The following SPTBN1 variants were observed in gnomAD, a reference collection of about 807,000 sequenced individuals.
The protein encoded by SPTBN1 is spectrin beta chain, non-erythrocytic 1.
Under a neutral mutation model 266.4 loss-of-function variants are expected in SPTBN1, and 32 were observed. The ratio of observed to expected loss-of-function variants is 0.12; its 90% CI spans 0.09 to 0.16. SPTBN1 has a LOEUF of 0.16. SPTBN1 is among the 10% of genes least tolerant of loss of function. The probability of loss-of-function intolerance (pLI) is 1.00; values close to 1 mark genes in which losing one functional copy is unlikely to be tolerated. For missense variants in SPTBN1, 2,296 were observed against 3,067.1 expected (o/e 0.75, Z 5.94); for synonymous variants, 1,336 against 1,162.2 (o/e 1.15, Z -3.04).
intron 2 of SPTBN1, among the ~76,000 whole-genome samples, chr2:54,567,591 C>T (rs530601867): frequency 4.6e-5 from 7 of 152,068 alleles, no homozygotes; most frequent in Non-Finnish European, 7.4e-5. Context: ...TATATATTCA[C>T]GGATTGCAAG....
At chr2:54,604,274 A>G (rs1367476550) in intron 3 of SPTBN1, among the ~76,000 whole-genome samples, 1 of 152,134 alleles carries the variant, frequency 6.6e-6, no homozygotes, top group African/African-American at 2.4e-5. Context: ...AGACCTCCCA[A>G]AACACCCTGC....
At chr2:54,638,543 C>G (rs116464827) in intron 18 of SPTBN1, among the ~76,000 whole-genome samples, 2 of 152,222 alleles carry the variant, frequency 1.3e-5, no homozygotes, top group Non-Finnish European at 2.9e-5. Flanking sequence ...ATTTCATGCT[C>G]TTCTGATACA....
chr2:54,581,185 G>A (rs10170355), intron 2 of SPTBN1, among the ~76,000 whole-genome samples: 51,492 of 151,884 alleles, frequency 0.34, 11,198 homozygotes, highest in African/African-American at 0.63. Flanking sequence ...TGAAATACAC[G>A]TGCATTGTGG....
intron 1 of SPTBN1, 98 bp from the exon 2 acceptor site, chr2:54,526,274 G>T: frequency 1.1e-6 from 1 of 952,014 alleles, no homozygotes. Flanking sequence ...TTCTTGGCAA[G>T]CACTGTTTTT....
At position 54,569,065 on chromosome 2, in the gene SPTBN1, C is replaced by G. The variant is rs189068595; in HGVS notation, c.149-30027C>G. Among the ~76,000 whole-genome samples the G allele has an allele frequency of 1.5e-3, 231 of 152,276 alleles. 1 individual carries two copies. The highest frequency in any genetic ancestry group is 5.3e-3 in the African/African-American group (220 of 41,526). ...GTTACATGGTAAGTGCTCATTTCCT[C>G]TGAGTTTGTAGGTGAAACTTTAAAA... On this transcript the variant is annotated intron_variant, in intron 2 of 35. Transcript: ENST00000356805.
intron 1 of SPTBN1, among the ~76,000 whole-genome samples, chr2:54,497,058 T>C: frequency 6.6e-6 from 1 of 152,310 alleles, no homozygotes; most frequent in East Asian, 1.9e-4. Flanking sequence ...TAAATGGAGA[T>C]AAACAGACAG....
chr2:54,629,262 T>C lies in SPTBN1; in HGVS notation c.2128T>C (p.Phe710Leu). 1 of 1,614,010 alleles carries C rather than the reference T, an allele frequency of 6.2e-7. No homozygotes were observed. Among genetic ancestry groups the C allele is most frequent in the Non-Finnish European group, 8.5e-7 (1 of 1,180,026 alleles). The part of the protein sequence containing the change: ...EGEDMIAEEH[F>L]GSEKIRERII... ...CGAAGACATGATCGCGGAGGAGCACTTCGGGTCGGAGAAGATCCGTGAGAG... is the reference window on the plus strand; with the variant it reads ...CGAAGACATGATCGCGGAGGAGCACCTCGGGTCGGAGAAGATCCGTGAGAG... The change falls in exon 14 of 36, where the codon TTC becomes CTC. Residue 710 changes from phenylalanine to leucine, a missense_variant. Around this residue, in one of 12 missense-constraint regions of SPTBN1, gnomAD observed 434 missense variants for 573.9 expected, o/e 0.76. Coordinates refer to ENST00000356805, the MANE Select transcript of SPTBN1 (RefSeq NM_003128.3).
chr2:54,628,216 T>C lies in SPTBN1; in HGVS notation c.1764T>C (p.Asn588=). 6.2e-7 allele frequency: 1 copy of C among 1,613,898 alleles called. No homozygotes were observed. The highest frequency in any genetic ancestry group is 8.5e-7 in the Non-Finnish European group (1 of 1,179,894). Residue 588 remains asparagine (N), a synonymous_variant, in exon 13 of 36, where the codon AAT becomes AAC. Transcript: ENST00000356805. The surrounding 1 kb of genome is among the most constrained non-coding windows in gnomAD (Gnocchi z 4.3). ...AGGCAGAGCGGGTGAGAGGTGTCAA[T>C]GCCTCCGCCCAGAAGTTCGCAACAG... The part of the protein sequence containing the change: ...GIQAERVRGV[N]ASAQKFATDG...
At position 54,649,118 on chromosome 2, in the gene SPTBN1, G is replaced by A. The variant is rs1273380295; in HGVS notation, c.5130G>A (p.Leu1710=). The A allele has an allele frequency of 6.2e-7, 1 of 1,613,856 alleles. No homozygotes were observed. Among genetic ancestry groups the A allele is most frequent in the Non-Finnish European group, 8.5e-7 (1 of 1,179,806 alleles). Residue 1710 remains leucine, a synonymous_variant, in exon 25 of 36, where the codon CTG becomes CTA. Transcript: ENST00000356805. The surrounding 1 kb of genome is among the most constrained non-coding windows in gnomAD (Gnocchi z 6.7). The part of the protein sequence containing the change: ...LFQLNREVDD[L]EQWIAEREVV... ...AGCTCAACCGGGAGGTGGACGACCT[G>A]GAGCAGTGGATCGCTGAGAGGGAGG...
chr2:54,648,157 C>T (rs1372500265), intron 24 of SPTBN1, among the ~76,000 whole-genome samples: 1 of 152,110 alleles, frequency 6.6e-6, no homozygotes, highest in Non-Finnish European at 1.5e-5. Flanking sequence ...TGTGTAAATG[C>T]CTTTTATGAC....
intron 24 of SPTBN1, among the ~76,000 whole-genome samples, chr2:54,647,841 T>C (rs943290365): frequency 6.6e-6 from 1 of 152,018 alleles, no homozygotes; most frequent in African/African-American, 2.4e-5. Context: ...AGACCTTGTC[T>C]CAAAAAAATA....
intron 1 of SPTBN1, among the ~76,000 whole-genome samples, chr2:54,464,537 C>G (rs1429876291): frequency 6.6e-6 from 1 of 152,060 alleles, no homozygotes; most frequent in African/African-American, 2.4e-5. Context: ...GATTTCCTCT[C>G]TTGTATGAAA....
rs377200533 is a variant in SPTBN1 at position 54,631,298 on chromosome 2, C to T, written c.3251C>T (p.Ala1084Val). The change falls in exon 16 of 36, where the codon GCG (alanine) becomes GTG (valine). Residue 1084 changes from alanine (A) to valine (V), a missense_variant. By Grantham distance (64) the Ala-to-Val change is moderately conservative (BLOSUM62 0). Coordinates refer to ENST00000356805, the MANE Select transcript of SPTBN1 (RefSeq NM_003128.3). ...TCCTGGCTCTCTAGGACCCAGACAG[C>T]GATCGCCTCGGAGGACATGCCAAAC... Reference protein sequence around the residue: ...FQSWLSRTQTAIASEDMPNTL... With the variant: ...FQSWLSRTQTVIASEDMPNTL... 5.4e-5 allele frequency: 87 copies of T among 1,614,068 alleles called. No homozygotes were observed. Among genetic ancestry groups the T allele is most frequent in the Non-Finnish European group, 6.3e-5 (74 of 1,180,010 alleles).
At position 54,644,410 on chromosome 2, in the gene SPTBN1, C is replaced by A. The variant is rs1679789706; in HGVS notation, c.4093C>A (p.Leu1365Ile). The change falls in exon 20 of 36, where the codon CTT becomes ATT. Residue 1365 changes from leucine to isoleucine, a missense_variant. By Grantham distance (5) the Leu-to-Ile change is conservative. Coordinates refer to ENST00000356805, the MANE Select transcript of SPTBN1 (RefSeq NM_003128.3). ...TGGTTTACATAAAATGTGGGAAGTC[C>A]TTGAATCCACTACCCAGACAAAGGC... Reference protein sequence around the residue: ...LTGLHKMWEVLESTTQTKAQR... With the variant: ...LTGLHKMWEVIESTTQTKAQR... 1.1e-5 allele frequency: 17 copies of A among 1,614,116 alleles called. No individual in the cohort carries two copies. Among genetic ancestry groups the A allele is most frequent in the Non-Finnish European group, 1.4e-5 (17 of 1,180,042 alleles).
Position 54,631,126 on chromosome 2 carries a change from C to T in SPTBN1, c.3079C>T (p.Pro1027Ser), listed in dbSNP as rs750203827. 3 of 1,614,062 alleles carry T rather than the reference C, an allele frequency of 1.9e-6. No homozygotes were observed. The highest frequency in any genetic ancestry group is 1.1e-5 in the South Asian group (1 of 91,082). Residue 1027 changes from proline to serine, a missense_variant, in exon 16 of 36, where the codon CCC becomes TCC. This residue lies in a region of SPTBN1 where 128 missense variants were observed against 176.5 expected (regional missense o/e 0.73). Coordinates refer to ENST00000356805, the MANE Select transcript of SPTBN1 (RefSeq NM_003128.3). ...GGCGGAGAAGCTGGAGTCCGAGCAC[C>T]CCGACCAGGCCCAGGCCATCCTGTC... ...KEAEKLESEHPDQAQAILSRL... is the reference protein window; with the variant it reads ...KEAEKLESEHSDQAQAILSRL...
rs866915903 is a variant in SPTBN1 at position 54,558,046 on chromosome 2, C to A, written c.148+31480C>A. ...GGGCTCTTCACTCTCCAGGCCGTCCCGTGGGCGCGCTAGCCTTTTCAAGTG... is the reference window on the plus strand; with the variant it reads ...GGGCTCTTCACTCTCCAGGCCGTCCAGTGGGCGCGCTAGCCTTTTCAAGTG... On this transcript the variant is annotated intron_variant, in intron 2 of 35. Transcript: ENST00000356805. This position sits in a 1 kb window ranked among gnomAD's most constrained non-coding sequence, Gnocchi z 4.6. The A allele has an allele frequency of 2.0e-6, 2 of 985,306 alleles. No homozygotes were observed. The highest frequency in any genetic ancestry group is 3.5e-5 in the African/African-American group (2 of 57,244). 61.0% of individuals were successfully genotyped at this position (985,306 alleles called of 1,614,324 possible).
chr2:54,579,078 A>G (rs560292705), intron 2 of SPTBN1, among the ~76,000 whole-genome samples: 84 of 152,262 alleles, frequency 5.5e-4, no homozygotes, highest in African/African-American at 2.0e-3. Flanking sequence ...ATTAAAAGTA[A>G]TGACAAAACT....
chr2:54,638,887 C>T (rs1404564137), intron 18 of SPTBN1, among the ~76,000 whole-genome samples: 4 of 152,226 alleles, frequency 2.6e-5, no homozygotes, highest in African/African-American at 9.7e-5. Flanking sequence ...AATACGGCTC[C>T]AGTGACAGCT....
At chr2:54,546,959 A>T (rs904055083) in intron 2 of SPTBN1, among the ~76,000 whole-genome samples, 4 of 20,600 alleles carry the variant, frequency 1.9e-4, no homozygotes, top group Non-Finnish European at 3.7e-4. Context: ...TAATGGTGGT[A>T]AAAAAAAAAA....
Sources: allele counts gnomAD v4.1 joint callset (sites outside exome capture counted in the v4.1 genomes callset), GRCh38; gene constraint gnomAD v4.1.1; regional missense constraint gnomAD v4.1.1; non-coding constraint Gnocchi (gnomAD v3.1); transcripts MANE v1.5; gene names NCBI Gene and HGNC (gene_info 2026-07-23, HGNC 2026-07-21).